PRKCE: variants seen among roughly 807,000 people sequenced by gnomAD.
PRKCE encodes protein kinase C epsilon type.
PRKCE carries 16 observed loss-of-function variants against 85.4 expected under a neutral mutation model. The observed-to-expected ratio is 0.19, with a 90% CI of 0.13 to 0.28. The LOEUF (loss-of-function observed/expected upper bound fraction) is 0.28, where lower values mean the gene tolerates loss of function less well. Among genes scored for constraint, PRKCE ranks in the 10% least tolerant of loss-of-function variants. The pLI is 1.00. For synonymous variants in PRKCE, 388 were observed against 371.5 expected (o/e 1.04, Z -0.51); for missense variants, 573 against 975.2 (o/e 0.59, Z 5.49).
intron 2 of PRKCE, among the ~76,000 whole-genome samples, chr2:45,843,313 A>C (rs572761525): frequency 6.6e-6 from 1 of 152,346 alleles, no homozygotes; most frequent in African/African-American, 2.4e-5. Flanking sequence ...GCGTTTTTGC[A>C]CGCTGTGTGC....
intron 10 of PRKCE, among the ~76,000 whole-genome samples, chr2:46,015,753 G>C (rs1706085996): frequency 7.1e-6 from 1 of 140,450 alleles, no homozygotes; most frequent in Non-Finnish European, 1.5e-5. Context: ...TTGTTCTAAA[G>C]AGACAGCTAT....
At chr2:45,866,403 G>A (rs752058718) in intron 2 of PRKCE, among the ~76,000 whole-genome samples, 5 of 152,150 alleles carry the variant, frequency 3.3e-5, no homozygotes, top group Admixed American at 6.5e-5. Flanking sequence ...CCGCTCCTGG[G>A]TTCATGCCAT....
At chr2:46,037,832 G>T (rs1226340522) in intron 10 of PRKCE, among the ~76,000 whole-genome samples, 1 of 152,198 alleles carries the variant, frequency 6.6e-6, no homozygotes, top group African/African-American at 2.4e-5. Context: ...AAGAGGGAAA[G>T]ATCACTGCCT....
intron 1 of PRKCE, among the ~76,000 whole-genome samples, chr2:45,662,247 G>A (rs1289726860): frequency 6.6e-6 from 1 of 152,186 alleles, no homozygotes; most frequent in Non-Finnish European, 1.5e-5. Flanking sequence ...TATGCCAGGT[G>A]CTATGCCCAC....
At chr2:45,807,423 A>C (rs1688328373) in intron 1 of PRKCE, among the ~76,000 whole-genome samples, 1 of 152,262 alleles carries the variant, frequency 6.6e-6, no homozygotes, top group South Asian at 2.1e-4. Flanking sequence ...TGTGTTTCAC[A>C]CAGAAATGAG....
chr2:45,778,531 T>G (rs1353170313), intron 1 of PRKCE, among the ~76,000 whole-genome samples: 1 of 152,088 alleles, frequency 6.6e-6, no homozygotes, highest in East Asian at 1.9e-4. Context: ...CCCACTACTT[T>G]CACTCAGCGT....
chr2:45,937,861 C>A (rs568395104), intron 2 of PRKCE, among the ~76,000 whole-genome samples: 2 of 152,286 alleles, frequency 1.3e-5, no homozygotes, highest in South Asian at 4.2e-4. Context: ...TTATCCTCCC[C>A]CACCCCACTT....
At chr2:45,790,317 A>G (rs1274969354) in intron 1 of PRKCE, among the ~76,000 whole-genome samples, 1 of 152,222 alleles carries the variant, frequency 6.6e-6, no homozygotes, top group Non-Finnish European at 1.5e-5. Flanking sequence ...GGAAAAGATA[A>G]TATGAAAATG....
chr2:45,831,134 T>G (rs1344360495), intron 1 of PRKCE, among the ~76,000 whole-genome samples: 7 of 151,974 alleles, frequency 4.6e-5, no homozygotes. Context: ...AGAAAGGCAA[T>G]TGGTAGACTG....
chr2:45,771,409 C>A (rs1475949147), intron 1 of PRKCE, among the ~76,000 whole-genome samples: 1 of 152,110 alleles, frequency 6.6e-6, no homozygotes, highest in Non-Finnish European at 1.5e-5. Flanking sequence ...TTCTCCCTGG[C>A]GCGGCCACCT....
intron 1 of PRKCE, among the ~76,000 whole-genome samples, chr2:45,797,854 G>T (rs374297787): frequency 1.3e-5 from 2 of 152,348 alleles, no homozygotes; most frequent in East Asian, 3.9e-4. Context: ...AAGGTTGAGG[G>T]GATCCAGGCC....
At chr2:45,852,410 C>G (rs1692342313) in intron 2 of PRKCE, among the ~76,000 whole-genome samples, 1 of 152,160 alleles carries the variant, frequency 6.6e-6, no homozygotes, top group South Asian at 2.1e-4. Flanking sequence ...ATTGTAGTTC[C>G]TGCTCCATAA....
At chr2:46,059,999 C>G (rs1372240554) in intron 10 of PRKCE, among the ~76,000 whole-genome samples, 1 of 152,140 alleles carries the variant, frequency 6.6e-6, no homozygotes, top group Non-Finnish European at 1.5e-5. Flanking sequence ...GCTTTGTGCT[C>G]AAGGTCATGT....
At chr2:45,990,028 C>G (rs941882189) in intron 6 of PRKCE, among the ~76,000 whole-genome samples, 3 of 152,186 alleles carry the variant, frequency 2.0e-5, no homozygotes, top group Non-Finnish European at 4.4e-5. Flanking sequence ...GAGTCTATTG[C>G]TACATAACAA....
chr2:45,817,476 G>A lies in PRKCE; in HGVS notation c.349-25524G>A, dbSNP rs564870298. Among the ~76,000 whole-genome samples, 17 of 152,172 alleles carry A rather than the reference G, an allele frequency of 1.1e-4. No homozygotes were observed. In the South Asian group the frequency reaches 3.3e-3, roughly 30 times the overall value. On this transcript the variant is annotated intron_variant, in intron 1 of 14. Transcript: ENST00000306156. ...TGGGAGGCTGAGGAGGGCGAATCAC[G>A]AGGTCAGGAGATCGAGACCATCCTG...
At chr2:45,771,725 G>GTGTGTGTGTA (rs1685352579) in intron 1 of PRKCE, among the ~76,000 whole-genome samples, 1 of 151,842 alleles carries the variant, frequency 6.6e-6, no homozygotes, top group Non-Finnish European at 1.5e-5. Flanking sequence ...GTGTGTGTGT[G>GTGTGTGTGTA]TGTGTGTGTG....
chr2:45,687,228 T>C (rs1677366392), intron 1 of PRKCE, among the ~76,000 whole-genome samples: 1 of 151,986 alleles, frequency 6.6e-6, no homozygotes, highest in Admixed American at 6.6e-5. Context: ...ACCAAACGAC[T>C]AATATCCTTA....
chr2:46,146,753 A>G (rs1181816949), intron 12 of PRKCE, among the ~76,000 whole-genome samples: 1 of 152,268 alleles, frequency 6.6e-6, no homozygotes, highest in Non-Finnish European at 1.5e-5. Context: ...GGTTTGTTAA[A>G]AAATGACAAC....
chr2:46,101,624 G>A (rs1671233592), intron 11 of PRKCE, among the ~76,000 whole-genome samples: 1 of 152,158 alleles, frequency 6.6e-6, no homozygotes, highest in Admixed American at 6.5e-5. Context: ...CATGACCTCA[G>A]GTTTTATCTG....
Sources: gnomAD v4.1 joint callset for allele counts (sites outside exome capture counted in the v4.1 genomes callset) on GRCh38, gnomAD v4.1.1 for gene constraint, MANE v1.5 for transcripts, NCBI Gene and HGNC (gene_info 2026-07-23, HGNC 2026-07-21) for gene names.